TP53I13: variants seen among roughly 807,000 people sequenced by gnomAD.
TP53I13 encodes the protein tumor protein p53-inducible protein 13.
TP53I13 carries 27 observed loss-of-function variants against 39.1 expected under a neutral mutation model. The ratio of observed to expected loss-of-function variants is 0.69; its 90% CI spans 0.51 to 0.95. The LOEUF is 0.95. Among genes scored for constraint, TP53I13 ranks in the 40% least tolerant of loss-of-function variants. The pLI is 0.00. For synonymous variants in TP53I13, 230 were observed against 224.6 expected (o/e 1.02, Z -0.22); for missense variants, 544 against 520.4 (o/e 1.05, Z -0.44).
rs758310672 is a variant in TP53I13 at position 29,572,030 on chromosome 17, G to T, written c.486G>T (p.Gly162=). ...CCTCCGAGCCAACTCCCGGTAGAGG[G>T]AGGCTGTGCCGAAGAGGGTGTGTGC... The part of the protein sequence containing the change: ...PAPSEPTPGR[G]RLCRRGCVQA... Residue 162 remains glycine, a synonymous_variant, in exon 5 of 7, where the codon GGG becomes GGT. Coordinates refer to ENST00000301057, the MANE Select transcript of TP53I13 (RefSeq NM_138349.4). 1.2e-6 allele frequency: 2 copies of T among 1,613,066 alleles called. No homozygotes were observed. The highest frequency in any genetic ancestry group is 2.7e-5 in the African/African-American group (2 of 74,932).
the TP53I13 span, chr17:29,579,413 A>G: frequency 2.8e-5 from 6 of 217,044 alleles, no homozygotes; most frequent in Non-Finnish European, 4.7e-5. Flanking sequence ...CACTGCAGTG[A>G]TAACAGGTGC....
the TP53I13 span, chr17:29,578,407 CA>C: frequency 1.3e-6 from 2 of 1,593,996 alleles, no homozygotes; most frequent in Non-Finnish European, 1.7e-6. Flanking sequence ...TTGTCAGATG[CA>C]TCGGCTCCCA....
Position 29,572,219 on chromosome 17 carries a change from C to G in TP53I13, c.591C>G (p.Pro197=), listed in dbSNP as rs1462758440. The change falls in exon 6 of 7, where the codon CCC becomes CCG. Residue 197 remains proline, a synonymous_variant. Coordinates refer to ENST00000301057, the MANE Select transcript of TP53I13 (RefSeq NM_138349.4). ...TEVTSQGPRQ[P]SSSGAKRRRL... Reference sequence around the variant, plus strand: ...TGACATCTCAAGGGCCCAGGCAGCCCTCTTCTAGTGGTGCCAAGAGGCGGA... The same window carrying G: ...TGACATCTCAAGGGCCCAGGCAGCCGTCTTCTAGTGGTGCCAAGAGGCGGA... The G allele has an allele frequency of 1.2e-6, 2 of 1,612,196 alleles. No individual in the cohort carries two copies. Among genetic ancestry groups the G allele is most frequent in the Non-Finnish European group, 1.7e-6 (2 of 1,179,948 alleles).
Position 29,572,695 on chromosome 17 carries a change from C to A in TP53I13, c.1067C>A (p.Ala356Asp). The A allele has an allele frequency of 6.5e-7, 1 of 1,542,550 alleles. No individual in the cohort carries two copies. The highest frequency in any genetic ancestry group is 2.4e-5 in the East Asian group (1 of 41,328). Reference sequence around the variant, plus strand: ...ACAGCGGACAGCCAGGACACAGTGGCTGGTGAGGAGTTCCCTCCCTACCCT... The same window carrying A: ...ACAGCGGACAGCCAGGACACAGTGGATGGTGAGGAGTTCCCTCCCTACCCT... ...GPTADSQDTV[A>D]AVLKRRLLQP... is the part of the protein sequence containing the mutation. Residue 356 changes from alanine (A) to aspartate (D), a missense_variant and splice_region_variant, in exon 6 of 7, where the codon GCT becomes GAT. Ala to Asp is a moderately radical substitution (Grantham distance 126). Transcript: ENST00000301057.
the TP53I13 span, chr17:29,581,844 GA>G: frequency 3.1e-5 from 50 of 1,612,228 alleles, no homozygotes; most frequent in East Asian, 1.1e-3. This position sits in a 1 kb window ranked among gnomAD's most constrained non-coding sequence, Gnocchi z 4.8. Flanking sequence ...TGCCTGTGAG[GA>G]GGGGGTATGG....
the TP53I13 span, chr17:29,578,693 C>T: frequency 6.3e-7 from 1 of 1,577,314 alleles, no homozygotes; most frequent in Non-Finnish European, 8.7e-7. Flanking sequence ...AGAGAGGGGC[C>T]AGCTTCAAGT....
At chr17:29,569,952 C>G (rs1408725527) in intron 3 of TP53I13, 1 of 151,992 alleles carries the variant, frequency 6.6e-6, no homozygotes, top group Admixed American at 6.5e-5. Context: ...GAATCTCACT[C>G]TGTTGCCCAG....
At chr17:29,578,636 G>GTCA in the TP53I13 span, 7 of 1,153,944 alleles carry the variant, frequency 6.1e-6, no homozygotes, top group Non-Finnish European at 9.2e-6. Flanking sequence ...CTTGGAAAAG[G>GTCA]TCATCGAGTC....
chr17:29,570,043 G>A (rs986431335), intron 3 of TP53I13: 1 of 151,822 alleles, frequency 6.6e-6, no homozygotes, highest in Non-Finnish European at 1.5e-5. Flanking sequence ...GAGCAGCTGG[G>A]ATTACAGGCG....
chr17:29,578,950 G>C, the TP53I13 span: 1 of 1,613,516 alleles, frequency 6.2e-7, no homozygotes, highest in Non-Finnish European at 8.5e-7. Context: ...TGCCCCGGCA[G>C]GCACCATATA....
At chr17:29,568,499 C>G (rs531708972), upstream of TP53I13, 1,323 of 154,090 alleles carry the variant, frequency 8.6e-3, 8 homozygotes, top group Non-Finnish European at 0.014. The surrounding 1 kb of genome is among the most constrained non-coding windows in gnomAD (Gnocchi z 4.5). Context: ...GAGCCTTGCG[C>G]GCTGACCCGG....
downstream of TP53I13, chr17:29,575,820 G>A (rs1310615589): frequency 1.9e-6 from 3 of 1,612,782 alleles, no homozygotes; most frequent in East Asian, 2.2e-5. This position sits in a 1 kb window ranked among gnomAD's most constrained non-coding sequence, Gnocchi z 5.5. Flanking sequence ...ACCGTGTGGC[G>A]GCTTCCCTCC....
chr17:29,578,282 C>A, the TP53I13 span: 2 of 1,607,196 alleles, frequency 1.2e-6, no homozygotes, highest in South Asian at 1.1e-5. Context: ...GCCAGACACT[C>A]CTGCTCCCTG....
At position 29,569,309 on chromosome 17, in the gene TP53I13, C is replaced by A. The variant is rs765013863; in HGVS notation, c.142-9C>A. On this transcript the variant is annotated splice_polypyrimidine_tract_variant and intron_variant, in intron 2 of 6. Transcript: ENST00000301057. ...ACTGCCCTAAGCTCTGTTCTTTCCC[C>A]ATGTATAGGTGTCACCAAGAGTGAC... 1.4e-5 allele frequency: 23 copies of A among 1,613,590 alleles called. No homozygotes were observed. The Admixed American group carries it at 2.7e-4, about 19-fold the overall frequency.
At chr17:29,566,850 C>A (rs1467098898), upstream of TP53I13, 80 of 1,511,888 alleles carry the variant, frequency 5.3e-5, no homozygotes, top group Non-Finnish European at 6.8e-5. Context: ...CTTGGGCCCC[C>A]GGCAGGGTCC....
At chr17:29,575,398 T>A, downstream of TP53I13, 1 of 1,613,558 alleles carries the variant, frequency 6.2e-7, no homozygotes, top group Non-Finnish European at 8.5e-7. The surrounding 1 kb of genome is among the most constrained non-coding windows in gnomAD (Gnocchi z 5.5). Context: ...GATCTAGGTC[T>A]CCATCCAGGC....
downstream of TP53I13, among the ~76,000 whole-genome samples, chr17:29,577,447 C>T (rs751439850): frequency 1.3e-5 from 2 of 152,106 alleles, no homozygotes; most frequent in Non-Finnish European, 2.9e-5. Flanking sequence ...GAGCAGAGGC[C>T]GGAACACCCA....
chr17:29,576,610 T>C (rs753036623), downstream of TP53I13: 2 of 1,613,920 alleles, frequency 1.2e-6, no homozygotes, highest in East Asian at 4.5e-5. Context: ...AGCCAGGGCC[T>C]TCTTCAGCTC....
Position 29,571,587 on chromosome 17 carries a change from C to T in TP53I13, c.184-4C>T. The T allele has an allele frequency of 1.2e-6, 2 of 1,613,132 alleles. No individual in the cohort carries two copies. The highest frequency in any genetic ancestry group is 1.7e-6 in the Non-Finnish European group (2 of 1,179,530). On this transcript the variant is annotated splice_polypyrimidine_tract_variant and splice_region_variant and intron_variant, in intron 3 of 6. Transcript: ENST00000301057. ...GCTTTGATGTCTCTGTGCCTTTCCT[C>T]CAGGCTGAGGATGTCACCTTCCTCT...
Sources: gnomAD v4.1 joint callset for allele counts (sites outside exome capture counted in the v4.1 genomes callset) on GRCh38, gnomAD v4.1.1 for gene constraint, Gnocchi (gnomAD v3.1) non-coding constraint, MANE v1.5 for transcripts, NCBI Gene and HGNC (gene_info 2026-07-23, HGNC 2026-07-21) for gene names.